F13A1: variants seen among roughly 807,000 people sequenced by gnomAD.
The protein encoded by F13A1 is FSF, A subunit.
Under a neutral mutation model 80.1 loss-of-function variants are expected in F13A1, and 47 were observed. The ratio of observed to expected loss-of-function variants is 0.59; its 90% CI spans 0.46 to 0.75. The LOEUF (loss-of-function observed/expected upper bound fraction) is 0.75. Ranked by LOEUF, F13A1 falls within the 30% of genes least tolerant of loss-of-function variation. F13A1 has a pLI of 0.00. For missense variants in F13A1, 817 were observed against 930.4 expected, an observed-to-expected ratio of 0.88 and a Z score of 1.59; for synonymous variants, 349 against 344.9, an observed-to-expected ratio of 1.01 and a Z score of -0.13.
intron 11 of F13A1, among the ~76,000 whole-genome samples, chr6:6,178,490 G>A (rs952205874): frequency 2.6e-5 from 4 of 152,110 alleles, no homozygotes; most frequent in South Asian, 2.1e-4. Context: ...TGGGAGAAAC[G>A]GACCTGAGGT....
intron 2 of F13A1, among the ~76,000 whole-genome samples, chr6:6,310,975 T>G (rs1758581799): frequency 6.6e-6 from 1 of 152,194 alleles, no homozygotes; most frequent in Non-Finnish European, 1.5e-5. Context: ...CAGACAGGCT[T>G]GCTTTGAATT....
chr6:6,223,167 C>T (rs141219696), intron 7 of F13A1, among the ~76,000 whole-genome samples: 31 of 152,310 alleles, frequency 2.0e-4, no homozygotes, highest in African/African-American at 7.5e-4. Context: ...TCCTCCTTCC[C>T]CCAATTTCCA....
chr6:6,252,457 C>T lies in F13A1; in HGVS notation c.572-1528G>A, dbSNP rs566745012. ...ATATGTCTATTTTTAAAAAGCTACA[C>T]GCTAAAATATGTACAGGTAAAATAA... On this transcript the variant is annotated intron_variant, in intron 4 of 14. Coordinates refer to ENST00000264870, the MANE Select transcript of F13A1 (RefSeq NM_000129.4). Among the ~76,000 whole-genome samples, 35 of 152,044 alleles carry T rather than the reference C, an allele frequency of 2.3e-4. No homozygotes were observed. The South Asian group carries it at 3.3e-3, about 14-fold the overall frequency.
At chr6:6,180,823 T>G (rs1340034795) in intron 11 of F13A1, among the ~76,000 whole-genome samples, 1 of 152,226 alleles carries the variant, frequency 6.6e-6, no homozygotes, top group African/African-American at 2.4e-5. Context: ...TAGTGCAAAT[T>G]ACTTTTGTAA....
rs546513859 is a variant in F13A1, at chr6:6,162,614, C to T, written c.1908+4844G>A. On this transcript the variant is annotated intron_variant, in intron 13 of 14. Coordinates refer to ENST00000264870, the MANE Select transcript of F13A1 (RefSeq NM_000129.4). The surrounding 1 kb of genome is among the most constrained non-coding windows in gnomAD (Gnocchi z 4.2). ...GTGTCTCTCCTTCCCTCAACAGGCA[C>T]GTGATCACGGGCCAGTTACTAATAA... is the stretch of plus-strand genomic sequence containing the variant. 2.0e-5 allele frequency among the ~76,000 whole-genome samples: 3 copies of T among 152,302 alleles called. No individual in the cohort carries two copies. Among genetic ancestry groups the T allele is most frequent in the African/African-American group, 4.8e-5 (2 of 41,572 alleles).
intron 7 of F13A1, 146 bp downstream of exon 7, chr6:6,224,540 T>G (rs1169677077): frequency 1.4e-6 from 1 of 695,324 alleles, no homozygotes; most frequent in African/African-American, 1.8e-5. Flanking sequence ...AATTTAATTA[T>G]GCATTGACTA....
intron 3 of F13A1, among the ~76,000 whole-genome samples, chr6:6,273,289 C>G (rs923536486): frequency 6.6e-6 from 1 of 152,158 alleles, no homozygotes; most frequent in Non-Finnish European, 1.5e-5. Context: ...TGTACCCAGT[C>G]GGTACCTAAT....
intron 3 of F13A1, among the ~76,000 whole-genome samples, chr6:6,292,032 G>T (rs899082761): frequency 1.3e-5 from 2 of 152,192 alleles, no homozygotes; most frequent in East Asian, 3.9e-4. Context: ...AGAAGAGGCT[G>T]CTTGGGTCCA....
intron 10 of F13A1, among the ~76,000 whole-genome samples, chr6:6,185,372 G>C (rs1275964882): frequency 7.0e-6 from 1 of 142,968 alleles, no homozygotes; most frequent in African/African-American, 2.6e-5. Context: ...CTATGAGTGA[G>C]AATATGCGGT....
intron 10 of F13A1, among the ~76,000 whole-genome samples, chr6:6,190,083 T>G (rs1010299175): frequency 1.3e-5 from 2 of 152,164 alleles, no homozygotes; most frequent in African/African-American, 4.8e-5. Context: ...ATCAGCTCCT[T>G]TAAGCACTTC....
At chr6:6,193,795 G>C (rs1444900448) in intron 10 of F13A1, among the ~76,000 whole-genome samples, 1 of 152,184 alleles carries the variant, frequency 6.6e-6, no homozygotes. Flanking sequence ...GGATTTCAGA[G>C]TGATCTCCTC....
intron 6 of F13A1, 33 bp from the exon 7 acceptor site, chr6:6,224,893 A>C (rs746940211): frequency 1.1e-5 from 17 of 1,613,112 alleles, no homozygotes; most frequent in Admixed American, 1.0e-4. Context: ...AGAAGGAAGA[A>C]AGTTCATTTA....
intron 3 of F13A1, among the ~76,000 whole-genome samples, chr6:6,274,739 C>A (rs1757965321): frequency 6.6e-6 from 1 of 152,116 alleles, no homozygotes; most frequent in Non-Finnish European, 1.5e-5. Flanking sequence ...GTGTGGAAAC[C>A]CAGAGGAGGA....
intron 3 of F13A1, among the ~76,000 whole-genome samples, chr6:6,292,332 A>G (rs541849646): frequency 1.2e-4 from 19 of 152,318 alleles, no homozygotes; most frequent in African/African-American, 4.3e-4. Context: ...CACATAAGCC[A>G]GCCACCTGGA....
chr6:6,316,078 C>CATATATAT (rs57716665), intron 2 of F13A1, among the ~76,000 whole-genome samples: 1 of 34,944 alleles, frequency 2.9e-5, no homozygotes, highest in African/African-American at 6.9e-5. Flanking sequence ...TGTGTGTGTG[C>CATATATAT]ATATATATAT....
chr6:6,257,112 C>A lies in F13A1; in HGVS notation c.572-6183G>T, dbSNP rs1178582482. On this transcript the variant is annotated intron_variant, in intron 4 of 14. Coordinates refer to ENST00000264870, the MANE Select transcript of F13A1 (RefSeq NM_000129.4). Reference sequence around the variant, plus strand: ...CTTCCCCCTTTATATAAAAGCTGAGCACCACTAAAAAGAGGAAAGATTCAT... The same window carrying A: ...CTTCCCCCTTTATATAAAAGCTGAGAACCACTAAAAAGAGGAAAGATTCAT... Among the ~76,000 whole-genome samples the A allele has an allele frequency of 2.6e-5, 4 of 152,160 alleles. No homozygotes were observed. In the South Asian group the frequency reaches 8.3e-4, roughly 32 times the overall value.
At chr6:6,283,453 T>A (rs926153265) in intron 3 of F13A1, among the ~76,000 whole-genome samples, 1 of 152,194 alleles carries the variant, frequency 6.6e-6, no homozygotes, top group Non-Finnish European at 1.5e-5. Flanking sequence ...CAGAAGAATG[T>A]CTTTGCTCAT....
At chr6:6,207,368 G>A (rs540120733) in intron 8 of F13A1, among the ~76,000 whole-genome samples, 6 of 152,264 alleles carry the variant, frequency 3.9e-5, no homozygotes, top group Admixed American at 2.0e-4. Context: ...AGCTCATTCT[G>A]AATCAGCCCT....
At chr6:6,207,970 T>C (rs973540395) in intron 8 of F13A1, among the ~76,000 whole-genome samples, 1 of 152,208 alleles carries the variant, frequency 6.6e-6, no homozygotes, top group Non-Finnish European at 1.5e-5. Context: ...CATTATATTA[T>C]TTTAAATGTT....
Sources: allele counts gnomAD v4.1 joint callset (sites outside exome capture counted in the v4.1 genomes callset), GRCh38; gene constraint gnomAD v4.1.1; non-coding constraint Gnocchi (gnomAD v3.1); transcripts MANE v1.5; gene names NCBI Gene and HGNC (gene_info 2026-07-23, HGNC 2026-07-21).